The following NCKAP5 variants were observed in gnomAD, a reference collection of about 807,000 sequenced individuals.
NCKAP5 encodes NCK associated protein 5, also known as nck-associated protein 5.
A neutral mutation model predicts 167.0 loss-of-function variants in NCKAP5; 92 were observed. The ratio of observed to expected loss-of-function variants is 0.55; its 90% CI spans 0.47 to 0.66. The LOEUF (loss-of-function observed/expected upper bound fraction) is 0.66, where lower values mean the gene tolerates loss of function less well. Among genes scored for constraint, NCKAP5 ranks in the 30% least tolerant of loss-of-function variants. NCKAP5 has a pLI of 0.00. For synonymous variants in NCKAP5, 891 were observed against 877.4 expected, an observed-to-expected ratio of 1.02 and a Z score of -0.27; for missense variants, 2,378 against 2,315.0, an observed-to-expected ratio of 1.03 and a Z score of -0.56.
chr2:133,098,192 C>T (rs777877804), intron 6 of NCKAP5, among the ~76,000 whole-genome samples: 2 of 152,270 alleles, frequency 1.3e-5, no homozygotes, highest in African/African-American at 2.4e-5. Flanking sequence ...AAATTTCCAA[C>T]GTAATGTGTT....
chr2:133,179,811 G>GA (rs541478942), intron 5 of NCKAP5, among the ~76,000 whole-genome samples: 27 of 150,828 alleles, frequency 1.8e-4, no homozygotes, highest in African/African-American at 5.8e-4. Flanking sequence ...AAATTCAACT[G>GA]AAAAAAAGGA....
intron 5 of NCKAP5, among the ~76,000 whole-genome samples, chr2:133,169,927 TAAAC>T (rs1193030434): frequency 2.0e-5 from 3 of 152,078 alleles, no homozygotes; most frequent in African/African-American, 4.8e-5. Context: ...CGTAAAGCAA[TAAAC>T]AAACAGACCA....
intron 17 of NCKAP5, 102 bp from the exon 18 acceptor site, chr2:132,729,054 TC>T: frequency 6.7e-7 from 1 of 1,483,194 alleles, no homozygotes; most frequent in African/African-American, 1.4e-5. Context: ...ATAAAAAAGG[TC>T]CAAATACAGT....
chr2:133,306,266 C>T (rs1680771757), intron 3 of NCKAP5, among the ~76,000 whole-genome samples: 1 of 152,226 alleles, frequency 6.6e-6, no homozygotes, highest in South Asian at 2.1e-4. Flanking sequence ...TGTACAGAGA[C>T]TTCAGTATCC....
intron 8 of NCKAP5, among the ~76,000 whole-genome samples, chr2:132,901,104 C>T (rs1224255785): frequency 6.6e-6 from 1 of 151,928 alleles, no homozygotes; most frequent in African/African-American, 2.4e-5. Flanking sequence ...ACCCATTACA[C>T]TGATTGTTTC....
At chr2:132,913,991 G>A (rs1178304969) in intron 8 of NCKAP5, among the ~76,000 whole-genome samples, 1 of 152,052 alleles carries the variant, frequency 6.6e-6, no homozygotes, top group Admixed American at 6.5e-5. Context: ...TTTCCCAAGG[G>A]GTCCTTTTAA....
chr2:132,957,162 G>A (rs6726816), intron 8 of NCKAP5, among the ~76,000 whole-genome samples: 1,715 of 152,012 alleles, frequency 0.011, 34 homozygotes, highest in African/African-American at 0.04. Flanking sequence ...AACTTAACGC[G>A]GGCAAAAACC....
chr2:132,700,062 G>C (rs940702062), intron 19 of NCKAP5, among the ~76,000 whole-genome samples: 1 of 151,712 alleles, frequency 6.6e-6, no homozygotes, highest in African/African-American at 2.4e-5. Context: ...GTTTTGATTT[G>C]CATTTCTCTG....
At chr2:132,878,630 ACACAC>A in intron 9 of NCKAP5, among the ~76,000 whole-genome samples, 1 of 110,552 alleles carries the variant, frequency 9.0e-6, no homozygotes, top group African/African-American at 3.8e-5. Context: ...ACACACACAC[ACACAC>A]ACACACACAC....
intron 16 of NCKAP5, among the ~76,000 whole-genome samples, chr2:132,739,334 G>A (rs535878316): frequency 2.6e-5 from 4 of 152,238 alleles, no homozygotes; most frequent in African/African-American, 7.2e-5. Context: ...TATAGGCCAG[G>A]TTTAAGGAAA....
At chr2:133,304,800 C>T (rs1307631179) in intron 3 of NCKAP5, among the ~76,000 whole-genome samples, 3 of 152,216 alleles carry the variant, frequency 2.0e-5, no homozygotes, top group Non-Finnish European at 4.4e-5. Context: ...AGCCACTGCC[C>T]TCAAGGAGCT....
At chr2:132,951,666 C>T (rs188532838) in intron 8 of NCKAP5, among the ~76,000 whole-genome samples, 7 of 152,276 alleles carry the variant, frequency 4.6e-5, no homozygotes, top group African/African-American at 9.6e-5. Flanking sequence ...TCAGGGTGAT[C>T]GTGTTCCTGA....
chr2:133,625,764 C>T, the NCKAP5 span, among the ~76,000 whole-genome samples: 1 of 150,910 alleles, frequency 6.6e-6, no homozygotes, highest in Non-Finnish European at 1.5e-5. Flanking sequence ...CCAGCTACTC[C>T]GGAGGCTGAG....
chr2:132,975,686 T>C (rs1179467110), intron 7 of NCKAP5, among the ~76,000 whole-genome samples: 1 of 151,802 alleles, frequency 6.6e-6, no homozygotes, highest in Non-Finnish European at 1.5e-5. Flanking sequence ...TGTTTGAGTA[T>C]AAGCTGGGCA....
chr2:133,005,687 T>C (rs749715268), intron 6 of NCKAP5, among the ~76,000 whole-genome samples: 1 of 152,182 alleles, frequency 6.6e-6, no homozygotes, highest in Non-Finnish European at 1.5e-5. Context: ...GGATAGATCT[T>C]TACAGCTTAG....
intron 4 of NCKAP5, among the ~76,000 whole-genome samples, chr2:133,273,311 G>A (rs752505218): frequency 2.0e-5 from 3 of 152,082 alleles, no homozygotes; most frequent in Non-Finnish European, 4.4e-5. Context: ...ATCTTTTCAT[G>A]TGCTTATTGG....
At chr2:133,392,328 C>A (rs956246499) in intron 3 of NCKAP5, among the ~76,000 whole-genome samples, 4 of 152,132 alleles carry the variant, frequency 2.6e-5, no homozygotes, top group Non-Finnish European at 2.9e-5. Flanking sequence ...ATAGGCTACA[C>A]CATATAGCCT....
chr2:133,530,551 G>A (rs1685280298), intron 2 of NCKAP5, among the ~76,000 whole-genome samples: 1 of 152,138 alleles, frequency 6.6e-6, no homozygotes, highest in Non-Finnish European at 1.5e-5. Context: ...TTTCCATTCA[G>A]CGACATGAAA....
At chr2:133,231,226 A>T (rs1432393610) in intron 4 of NCKAP5, among the ~76,000 whole-genome samples, 1 of 152,210 alleles carries the variant, frequency 6.6e-6, no homozygotes, top group Non-Finnish European at 1.5e-5. Flanking sequence ...TAAAGAGTAA[A>T]ACTGATTACA....
Sources: allele counts gnomAD v4.1 joint callset (sites outside exome capture counted in the v4.1 genomes callset), GRCh38; gene constraint gnomAD v4.1.1; transcripts MANE v1.5; gene names NCBI Gene and HGNC (gene_info 2026-07-23, HGNC 2026-07-21).